Variants in NXPE2 observed in about 807,000 individuals in gnomAD.
NXPE2 encodes NXPE family member 2.
A neutral mutation model predicts 34.4 loss-of-function variants in NXPE2; 34 were observed. The ratio of observed to expected loss-of-function variants is 0.99; its 90% CI spans 0.75 to 1.31. The LOEUF is 1.31. Among genes scored for constraint, NXPE2 ranks in the 40% most tolerant of loss-of-function variants. The pLI is 0.00. For missense variants in NXPE2, 649 were observed against 672.5 expected, an observed-to-expected ratio of 0.97 and a Z score of 0.39; for synonymous variants, 235 against 231.3, an observed-to-expected ratio of 1.02 and a Z score of -0.15.
At chr11:114,773,279 A>AACCCCCCCCC in the NXPE2 span, among the ~76,000 whole-genome samples, 1 of 69,362 alleles carries the variant, frequency 1.4e-5, no homozygotes, top group Non-Finnish European at 2.8e-5. Context: ...ACCCACTCCC[A>AACCCCCCCCC]CCCCCCCCCC....
At chr11:114,771,601 C>T in the NXPE2 span, among the ~76,000 whole-genome samples, 1 of 152,116 alleles carries the variant, frequency 6.6e-6, no homozygotes, top group Non-Finnish European at 1.5e-5. Context: ...ACCCAATTCA[C>T]TCAGTCCTCG....
At chr11:114,629,882 C>A in the NXPE2 span, among the ~76,000 whole-genome samples, 25 of 150,378 alleles carry the variant, frequency 1.7e-4, no homozygotes, top group African/African-American at 5.1e-4. Flanking sequence ...CAACAACAGA[C>A]AAACAGAGAG....
At chr11:114,521,944 G>A in the NXPE2 span, 3 of 1,534,550 alleles carry the variant, frequency 2.0e-6, no homozygotes, top group African/African-American at 4.1e-5. Flanking sequence ...TTGGTTCCTA[G>A]TGATTTTGTA....
the NXPE2 span, among the ~76,000 whole-genome samples, chr11:114,760,260 T>C: frequency 2.6e-5 from 4 of 152,124 alleles, no homozygotes; most frequent in Non-Finnish European, 5.9e-5. Flanking sequence ...GCTGGCCTCT[T>C]TCACCACCAG....
upstream of NXPE2, among the ~76,000 whole-genome samples, chr11:114,674,126 C>CAAACAAACAAACA (rs59039274): frequency 3.7e-5 from 3 of 80,924 alleles, no homozygotes; most frequent in African/African-American, 8.2e-5. Context: ...AACAAACAAA[C>CAAACAAACAAACA]AAGTGAACAA....
At chr11:114,572,570 G>A in the NXPE2 span, among the ~76,000 whole-genome samples, 1 of 152,184 alleles carries the variant, frequency 6.6e-6, no homozygotes, top group East Asian at 1.9e-4. Context: ...AATGCAAAAT[G>A]CACTGGAAAT....
chr11:114,753,407 A>C, the NXPE2 span, among the ~76,000 whole-genome samples: 1 of 152,154 alleles, frequency 6.6e-6, no homozygotes, highest in African/African-American at 2.4e-5. Flanking sequence ...AAAAAAATGA[A>C]GTGATATTCA....
At chr11:114,666,947 A>G in the NXPE2 span, among the ~76,000 whole-genome samples, 3 of 152,136 alleles carry the variant, frequency 2.0e-5, no homozygotes, top group Non-Finnish European at 4.4e-5. Context: ...ACACATCCAC[A>G]CACATATGTC....
At chr11:114,580,190 G>A in the NXPE2 span, 1 of 1,614,026 alleles carries the variant, frequency 6.2e-7, no homozygotes, top group South Asian at 1.1e-5. Flanking sequence ...CTCCCATTAG[G>A]TATATGAGTT....
chr11:114,599,637 C>A, the NXPE2 span, among the ~76,000 whole-genome samples: 1 of 152,138 alleles, frequency 6.6e-6, no homozygotes. Flanking sequence ...CCTCAGGGAG[C>A]TTTTACTCAT....
the NXPE2 span, among the ~76,000 whole-genome samples, chr11:114,723,130 C>T: frequency 4.5e-3 from 691 of 152,178 alleles, 4 homozygotes; most frequent in African/African-American, 0.015. Flanking sequence ...TAGTGGATGC[C>T]TCTGGTAGGG....
the NXPE2 span, among the ~76,000 whole-genome samples, chr11:114,739,331 CCTTCCTT>C: frequency 2.2e-5 from 1 of 45,260 alleles, no homozygotes; most frequent in African/African-American, 7.4e-5. Context: ...TTCCTTCCTT[CCTTCCTT>C]CCCCCCTTCC....
At chr11:114,787,954 C>T in the NXPE2 span, among the ~76,000 whole-genome samples, 26 of 152,272 alleles carry the variant, frequency 1.7e-4, no homozygotes, top group East Asian at 5.0e-3. Flanking sequence ...TTTCCTGTCA[C>T]CCCCTGGAGG....
the NXPE2 span, among the ~76,000 whole-genome samples, chr11:114,481,978 A>T: frequency 1.3e-5 from 2 of 152,144 alleles, no homozygotes; most frequent in Non-Finnish European, 2.9e-5. Flanking sequence ...GGAACATAGC[A>T]CAGGTACCAT....
At chr11:114,590,100 A>T in the NXPE2 span, among the ~76,000 whole-genome samples, 1 of 152,208 alleles carries the variant, frequency 6.6e-6, no homozygotes, top group African/African-American at 2.4e-5. Context: ...GGATTTTGAG[A>T]TAATCCCTCA....
the NXPE2 span, among the ~76,000 whole-genome samples, chr11:114,619,319 A>C: frequency 1.3e-5 from 2 of 152,242 alleles, no homozygotes; most frequent in East Asian, 3.9e-4. Context: ...TCCCCGCTGG[A>C]TAATAAGTGT....
chr11:114,499,274 G>T, the NXPE2 span, among the ~76,000 whole-genome samples: 2 of 152,064 alleles, frequency 1.3e-5, no homozygotes, highest in Non-Finnish European at 2.9e-5. Context: ...GTTTAAATCT[G>T]CAAGAGGCTT....
chr11:114,613,222 C>T, the NXPE2 span, among the ~76,000 whole-genome samples: 3 of 151,914 alleles, frequency 2.0e-5, no homozygotes, highest in Admixed American at 1.3e-4. Flanking sequence ...ATACTTGTTG[C>T]CTCGAGGGTA....
At chr11:114,556,041 C>T in the NXPE2 span, among the ~76,000 whole-genome samples, 1 of 152,078 alleles carries the variant, frequency 6.6e-6, no homozygotes, top group Non-Finnish European at 1.5e-5. Context: ...AATGACAGGG[C>T]CATATGGTAA....
Sources: gnomAD v4.1 joint callset for allele counts (sites outside exome capture counted in the v4.1 genomes callset) on GRCh38, gnomAD v4.1.1 for gene constraint, MANE v1.5 for transcripts, NCBI Gene and HGNC (gene_info 2026-07-23, HGNC 2026-07-21) for gene names.